Variants in PHF24 observed in about 807,000 individuals in gnomAD.
PHF24 encodes PHD finger protein 24.
A neutral mutation model predicts 42.6 loss-of-function variants in PHF24; 25 were observed. The ratio of observed to expected loss-of-function variants is 0.59; its 90% CI spans 0.43 to 0.82. PHF24 has a LOEUF of 0.82. Among genes scored for constraint, PHF24 ranks in the 40% least tolerant of loss-of-function variants. The pLI, the probability that PHF24 is intolerant of heterozygous loss-of-function variation, is 0.00. For missense variants in PHF24, 470 were observed against 538.1 expected (o/e 0.87, Z 1.25); for synonymous variants, 185 against 204.8 (o/e 0.90, Z 0.83).
chr9:34,832,211 T>TG, the PHF24 span: 12 of 410,824 alleles, frequency 2.9e-5, no homozygotes, highest in African/African-American at 2.4e-4. Flanking sequence ...CTGCAGCAGT[T>TG]GGGGAGCCTA....
At chr9:34,873,609 C>T in the PHF24 span, among the ~76,000 whole-genome samples, 3 of 151,614 alleles carry the variant, frequency 2.0e-5, no homozygotes, top group Non-Finnish European at 4.4e-5. Context: ...TTACTGTAGC[C>T]TTGTAGTATA....
At chr9:34,739,346 G>A in the PHF24 span, among the ~76,000 whole-genome samples, 2 of 152,300 alleles carry the variant, frequency 1.3e-5, no homozygotes, top group South Asian at 2.1e-4. Flanking sequence ...TGCCATTTAG[G>A]GGTACTTATA....
the PHF24 span, among the ~76,000 whole-genome samples, chr9:34,911,820 T>TATCAA: frequency 6.6e-6 from 1 of 152,046 alleles, no homozygotes; most frequent in South Asian, 2.1e-4. Context: ...ATCTAAGAAC[T>TATCAA]CTGAGAAGTA....
At chr9:34,726,492 C>T in the PHF24 span, 1 of 1,551,660 alleles carries the variant, frequency 6.4e-7, no homozygotes, top group Non-Finnish European at 8.7e-7. Context: ...TGATGCTGGC[C>T]TTGGTTTCCC....
the PHF24 span, among the ~76,000 whole-genome samples, chr9:34,933,066 C>T: frequency 2.0e-5 from 3 of 150,478 alleles, no homozygotes; most frequent in Non-Finnish European, 4.4e-5. Flanking sequence ...CTCAACAGAT[C>T]CTCCTGCCTC....
At chr9:34,736,296 T>G in the PHF24 span, among the ~76,000 whole-genome samples, 3 of 56,870 alleles carry the variant, frequency 5.3e-5, no homozygotes, top group East Asian at 3.2e-3. Context: ...GGCCAGGGGT[T>G]TTTCAAAAAA....
the PHF24 span, among the ~76,000 whole-genome samples, chr9:34,951,315 TA>T: frequency 6.6e-6 from 1 of 152,228 alleles, no homozygotes; most frequent in African/African-American, 2.4e-5. Context: ...GAATATGTTA[TA>T]GTACAAGGGC....
chr9:34,935,325 C>G, the PHF24 span, among the ~76,000 whole-genome samples: 1 of 152,108 alleles, frequency 6.6e-6, no homozygotes, highest in Non-Finnish European at 1.5e-5. Flanking sequence ...GTGGCTCATG[C>G]CTGTAATCCC....
the PHF24 span, among the ~76,000 whole-genome samples, chr9:34,781,964 G>A: frequency 3.3e-5 from 5 of 152,222 alleles, no homozygotes; most frequent in Non-Finnish European, 5.9e-5. Context: ...CCACATGGGA[G>A]AGAAGAACCT....
At chr9:34,976,096 C>A in intron 3 of PHF24, 56 bp from the exon 4 acceptor site, 2 of 1,227,482 alleles carry the variant, frequency 1.6e-6, no homozygotes, top group South Asian at 1.2e-5. Context: ...CCCCCTTGAC[C>A]CTGGCCTTTC....
chr9:34,805,829 G>A, the PHF24 span, among the ~76,000 whole-genome samples: 1 of 152,112 alleles, frequency 6.6e-6, no homozygotes, highest in Non-Finnish European at 1.5e-5. Flanking sequence ...TCTTCTAAGA[G>A]TTTTATAGTT....
chr9:34,757,092 A>C, the PHF24 span, among the ~76,000 whole-genome samples: 1 of 151,954 alleles, frequency 6.6e-6, no homozygotes, highest in South Asian at 2.1e-4. Flanking sequence ...TTTAGCAGAG[A>C]CAGCGTTTCA....
chr9:34,898,769 C>T, the PHF24 span, among the ~76,000 whole-genome samples: 69,879 of 151,968 alleles, frequency 0.46, 16,923 homozygotes, highest in Non-Finnish European at 0.54. Flanking sequence ...ATTAGCCTGA[C>T]GTCTTGCACC....
the PHF24 span, among the ~76,000 whole-genome samples, chr9:34,948,109 CA>C: frequency 2.1e-3 from 194 of 90,430 alleles, no homozygotes; most frequent in Admixed American, 8.1e-3. Flanking sequence ...GACTCCGTCT[CA>C]AAAAAAAAAA....
chr9:34,921,408 G>A, the PHF24 span, among the ~76,000 whole-genome samples: 3 of 151,656 alleles, frequency 2.0e-5, no homozygotes, highest in Admixed American at 2.0e-4. Flanking sequence ...TAAATACATG[G>A]GTTTTTGTTT....
the PHF24 span, chr9:34,922,985 G>T: frequency 2.1e-6 from 2 of 971,312 alleles, no homozygotes; most frequent in Non-Finnish European, 1.5e-6. Flanking sequence ...TCTACCTGGG[G>T]GGTGCTGCTG....
exon 8 of PHF24, chr9:34,978,383 CTT>C: frequency 2.1e-6 from 1 of 479,892 alleles, no homozygotes; most frequent in Non-Finnish European, 3.8e-6. Context: ...TGCCACCACA[CTT>C]ATATACATGT....
At chr9:34,695,076 C>G in the PHF24 span, among the ~76,000 whole-genome samples, 2 of 152,140 alleles carry the variant, frequency 1.3e-5, no homozygotes, top group Non-Finnish European at 2.9e-5. Flanking sequence ...GGGAGCTAGT[C>G]AGCAGAAGAA....
At chr9:34,734,438 G>A in the PHF24 span, among the ~76,000 whole-genome samples, 4 of 152,124 alleles carry the variant, frequency 2.6e-5, no homozygotes, top group East Asian at 3.9e-4. Context: ...AATATCACTC[G>A]TGGTACAGGC....
Sources: allele counts gnomAD v4.1 joint callset (sites outside exome capture counted in the v4.1 genomes callset), GRCh38; gene constraint gnomAD v4.1.1; transcripts MANE v1.5; gene names NCBI Gene and HGNC (gene_info 2026-07-23, HGNC 2026-07-21).